Variants in SUCLG2 observed in about 807,000 individuals in gnomAD.
The protein encoded by SUCLG2 is succinate-CoA ligase GDP-forming subunit beta.
In SUCLG2, 42 loss-of-function variants were observed where a neutral mutation model predicts 47.9. The observed-to-expected ratio is 0.88, with a 90% CI of 0.69 to 1.14. SUCLG2 has a LOEUF of 1.14. Among genes scored for constraint, SUCLG2 ranks in the 50% most tolerant of loss-of-function variants. SUCLG2 has a pLI of 0.00. For synonymous variants in SUCLG2, 195 were observed against 197.3 expected (o/e 0.99, Z 0.10); for missense variants, 571 against 525.9 (o/e 1.09, Z -0.84).
intron 7 of SUCLG2, among the ~76,000 whole-genome samples, 182 bp downstream of exon 7, chr3:67,508,625 A>G (rs960637908): frequency 2.0e-5 from 3 of 152,192 alleles, no homozygotes; most frequent in Non-Finnish European, 4.4e-5. Context: ...GCATTTGGCT[A>G]CAAACAAACC....
chr3:67,558,455 T>C (rs1266806305), intron 2 of SUCLG2, among the ~76,000 whole-genome samples: 1 of 152,146 alleles, frequency 6.6e-6, no homozygotes, highest in Admixed American at 6.5e-5. Flanking sequence ...TTCCAGTTTC[T>C]TGCTTGGCCG....
At chr3:67,645,635 C>T (rs1341469087) in intron 1 of SUCLG2, among the ~76,000 whole-genome samples, 2 of 152,026 alleles carry the variant, frequency 1.3e-5, no homozygotes, top group African/African-American at 4.8e-5. Flanking sequence ...TTTAATGATA[C>T]ATCACTTTAA....
intron 9 of SUCLG2, among the ~76,000 whole-genome samples, chr3:67,495,423 G>C (rs970223829): frequency 1.3e-5 from 2 of 152,104 alleles, no homozygotes; most frequent in Non-Finnish European, 2.9e-5. Flanking sequence ...TGGAGGCCTA[G>C]GCGGGCAGAC....
chr3:67,652,944 C>G (rs529965522), intron 1 of SUCLG2, among the ~76,000 whole-genome samples: 1 of 152,202 alleles, frequency 6.6e-6, no homozygotes, highest in Non-Finnish European at 1.5e-5. Context: ...AAAAACACAT[C>G]ATCCACAAAT....
chr3:67,379,115 T>C lies in SUCLG2; in HGVS notation c.1184-3256A>G, dbSNP rs566480584. 9.9e-5 allele frequency among the ~76,000 whole-genome samples: 15 copies of C among 152,086 alleles called. No individual in the cohort carries two copies. In the East Asian group the frequency reaches 2.9e-3, roughly 29 times the overall value. On this transcript the variant is annotated intron_variant, in intron 10 of 10. Coordinates refer to ENST00000307227, the MANE Select transcript of SUCLG2 (RefSeq NM_003848.4). ...GCAGTGGCCACCTCTCCCAACCAATTTTTGTATTTTTAGTAGAGATAGGGT... is the reference window on the plus strand; with the variant it reads ...GCAGTGGCCACCTCTCCCAACCAATCTTTGTATTTTTAGTAGAGATAGGGT...
At chr3:67,514,145 C>CCTTG (rs1705875847) in intron 6 of SUCLG2, 2 of 293,608 alleles carry the variant, frequency 6.8e-6, no homozygotes, top group Non-Finnish European at 1.4e-5. Flanking sequence ...ATTTGTTGGA[C>CCTTG]CTATGCAAGA....
chr3:67,526,816 C>T (rs1328526428), intron 4 of SUCLG2, among the ~76,000 whole-genome samples: 1 of 152,174 alleles, frequency 6.6e-6, no homozygotes, highest in East Asian at 1.9e-4. Flanking sequence ...TATACAACTT[C>T]CACATAACCC....
intron 1 of SUCLG2, among the ~76,000 whole-genome samples, chr3:67,631,749 T>G (rs1700929705): frequency 6.6e-6 from 1 of 152,260 alleles, no homozygotes; most frequent in Non-Finnish European, 1.5e-5. Flanking sequence ...TTTGTCAGTG[T>G]CTGCCACGTC....
chr3:67,462,191 C>T (rs976434165), intron 9 of SUCLG2, among the ~76,000 whole-genome samples: 4 of 152,112 alleles, frequency 2.6e-5, no homozygotes, highest in African/African-American at 9.7e-5. Flanking sequence ...CTGAAATTCT[C>T]CTGCCTTCCT....
At chr3:67,506,841 C>T (rs140854404) in intron 7 of SUCLG2, among the ~76,000 whole-genome samples, 8 of 152,324 alleles carry the variant, frequency 5.3e-5, no homozygotes, top group African/African-American at 1.9e-4. Context: ...AAACTGGAGA[C>T]TACTTCTAGG....
chr3:67,626,289 G>T (rs1166541639), intron 1 of SUCLG2, among the ~76,000 whole-genome samples: 4 of 152,042 alleles, frequency 2.6e-5, no homozygotes, highest in Non-Finnish European at 5.9e-5. Flanking sequence ...ACTGCACCCG[G>T]CCACTAGGGT....
At chr3:67,653,026 T>C (rs1424571302) in intron 1 of SUCLG2, among the ~76,000 whole-genome samples, 1 of 152,126 alleles carries the variant, frequency 6.6e-6, no homozygotes, top group Non-Finnish European at 1.5e-5. Context: ...AAACCAAGAG[T>C]ATCTCTCCCC....
At chr3:67,449,254 T>C (rs972976756) in intron 9 of SUCLG2, among the ~76,000 whole-genome samples, 2 of 152,168 alleles carry the variant, frequency 1.3e-5, no homozygotes, top group East Asian at 3.9e-4. Context: ...CAAAAGCAAG[T>C]AAAGAGTGCC....
intron 9 of SUCLG2, among the ~76,000 whole-genome samples, chr3:67,449,987 A>G (rs1704017700): frequency 6.6e-6 from 1 of 151,812 alleles, no homozygotes; most frequent in Non-Finnish European, 1.5e-5. Context: ...AAAATAACAT[A>G]TTAATTCCTA....
At chr3:67,625,234 G>C (rs1315009459) in intron 1 of SUCLG2, among the ~76,000 whole-genome samples, 1 of 152,180 alleles carries the variant, frequency 6.6e-6, no homozygotes, top group Non-Finnish European at 1.5e-5. Context: ...ATAAGCTTAA[G>C]TGAGTGGCAT....
intron 9 of SUCLG2, chr3:67,408,870 A>C: frequency 6.9e-7 from 1 of 1,444,172 alleles, no homozygotes; most frequent in Non-Finnish European, 9.0e-7. Flanking sequence ...CTTACTGTAA[A>C]GTCCATGTTC....
At chr3:67,508,930 T>C (rs1302235585) in intron 6 of SUCLG2, 27 bp from the exon 7 acceptor site, 3 of 1,527,722 alleles carry the variant, frequency 2.0e-6, no homozygotes, top group Non-Finnish European at 2.7e-6. Context: ...GAAATAGAAT[T>C]ACACCAAAGC....
intron 1 of SUCLG2, among the ~76,000 whole-genome samples, chr3:67,618,574 G>T (rs1700672711): frequency 6.6e-6 from 1 of 152,092 alleles, no homozygotes; most frequent in Non-Finnish European, 1.5e-5. Flanking sequence ...GTCACGATTT[G>T]AATCCAGGTC....
chr3:67,400,409 G>A (rs997662831), intron 10 of SUCLG2, among the ~76,000 whole-genome samples: 7 of 152,080 alleles, frequency 4.6e-5, no homozygotes, highest in African/African-American at 1.7e-4. Context: ...CCTCAGTTAT[G>A]ATGCATGATT....
Sources: allele counts gnomAD v4.1 joint callset (sites outside exome capture counted in the v4.1 genomes callset), GRCh38; gene constraint gnomAD v4.1.1; transcripts MANE v1.5; gene names NCBI Gene and HGNC (gene_info 2026-07-23, HGNC 2026-07-21).